DCHS2: variants seen among roughly 807,000 people sequenced by gnomAD.
The protein encoded by DCHS2 is protocadherin-23.
In DCHS2, 142 loss-of-function variants were observed where a neutral mutation model predicts 182.4. The observed-to-expected ratio is 0.78, with a 90% CI of 0.68 to 0.89. The LOEUF is 0.89. DCHS2 is among the 40% of genes least tolerant of loss of function. The pLI is 0.00. For missense variants in DCHS2, 4,319 were observed against 4,198.6 expected (o/e 1.03, Z -0.79); for synonymous variants, 1,740 against 1,663.3 (o/e 1.05, Z -1.12).
At chr4:154,264,970 G>A (rs549518750) in intron 14 of DCHS2, among the ~76,000 whole-genome samples, 1 of 152,282 alleles carries the variant, frequency 6.6e-6, no homozygotes, top group South Asian at 2.1e-4. Context: ...CAAATCTCTT[G>A]TATTACTCAG....
At chr4:154,464,758 C>T (rs995354698) in intron 1 of DCHS2, among the ~76,000 whole-genome samples, 11 of 152,082 alleles carry the variant, frequency 7.2e-5, no homozygotes, top group African/African-American at 2.2e-4. Context: ...TCTTGGTGCC[C>T]AGGCCACAGA....
chr4:154,381,848 G>A (rs1288038636), intron 1 of DCHS2, among the ~76,000 whole-genome samples: 1 of 152,082 alleles, frequency 6.6e-6, no homozygotes, highest in African/African-American at 2.4e-5. Context: ...TTGTTAAAAT[G>A]GCCAGACTGT....
At chr4:154,378,562 AAGGT>A (rs1317002970) in intron 1 of DCHS2, among the ~76,000 whole-genome samples, 62 of 151,452 alleles carry the variant, frequency 4.1e-4, no homozygotes, top group African/African-American at 1.5e-3. Context: ...GGAAGGAAGG[AAGGT>A]AGGAAGGATT....
At chr4:154,436,044 A>G (rs561960728) in intron 1 of DCHS2, among the ~76,000 whole-genome samples, 1 of 152,358 alleles carries the variant, frequency 6.6e-6, no homozygotes, top group Non-Finnish European at 1.5e-5. Flanking sequence ...TCCCCAAAGT[A>G]GAAACAATGC....
rs1731478760 is a variant in DCHS2, at chr4:154,236,100, G to A, written c.8552C>T (p.Thr2851Ile). The A allele has an allele frequency of 2.5e-6, 4 of 1,613,718 alleles. No individual in the cohort carries two copies. The highest frequency in any genetic ancestry group is 1.3e-5 in the African/African-American group (1 of 75,028). Residue 2851 changes from threonine (T) to isoleucine (I), a missense_variant, in exon 20 of 20, where the codon ACA becomes ATA. Thr to Ile is a moderately conservative substitution (Grantham distance 89). Coordinates refer to ENST00000357232, the MANE Select transcript of DCHS2 (RefSeq NM_001358235.2). ...DYENGNKYCL[T>I]VQAKDKGDAT... ...ATCACCTTTGTCTTTGGCTTGGACT[G>A]TGAGGCAGTATTTATTGCCATTTTC...
chr4:154,339,121 C>CCT (rs1728945879), intron 3 of DCHS2, among the ~76,000 whole-genome samples: 1 of 152,164 alleles, frequency 6.6e-6, no homozygotes, highest in Non-Finnish European at 1.5e-5. Flanking sequence ...AGTTTGAAAG[C>CCT]CTGAGAGCCA....
Position 154,489,510 on chromosome 4 carries a change from T to C in DCHS2, c.1846A>G (p.Ser616Gly), listed in dbSNP as rs1728712289. 6.4e-7 allele frequency: 1 copy of C among 1,551,696 alleles called. No individual in the cohort carries two copies. Among genetic ancestry groups the C allele is most frequent in the Non-Finnish European group, 8.7e-7 (1 of 1,146,980 alleles). ...TCTCGGTCTAGAGTCCGGATAGTGC[T>C]GATCGCACCGCTTTCGGAATCAATG... ...FAIDSESGAISTIRTLDREVQ... is the reference protein window; with the variant it reads ...FAIDSESGAIGTIRTLDREVQ... The change falls in exon 1 of 20, where the codon AGC (serine) becomes GGC (glycine). Residue 616 changes from serine (S) to glycine (G), a missense_variant. Coordinates refer to ENST00000357232, the MANE Select transcript of DCHS2 (RefSeq NM_001358235.2).
At chr4:154,374,886 C>T (rs1730815904) in intron 2 of DCHS2, among the ~76,000 whole-genome samples, 1 of 152,028 alleles carries the variant, frequency 6.6e-6, no homozygotes, top group Non-Finnish European at 1.5e-5. Context: ...AATCAAAGCG[C>T]AGAACGGTGT....
chr4:154,426,693 G>A (rs1733341226), intron 1 of DCHS2, among the ~76,000 whole-genome samples: 1 of 151,938 alleles, frequency 6.6e-6, no homozygotes, highest in Non-Finnish European at 1.5e-5. Context: ...CAACACCTTG[G>A]GAGGCTGAGG....
At position 154,334,926 on chromosome 4, in the gene DCHS2, A is replaced by AT; in HGVS notation, c.2654_2655insA (p.Tyr886LeufsTer2). ...GACTATCTTCAGGCACATCTTCATA[A>AT]ACTAAGAAAGTGTACTTAGGCCTTT... On this transcript the variant is annotated frameshift_variant, in exon 4 of 20. Coordinates refer to ENST00000357232, the MANE Select transcript of DCHS2 (RefSeq NM_001358235.2). LOFTEE classifies it high-confidence loss of function. The AT allele has an allele frequency of 6.2e-7, 1 of 1,614,192 alleles. No individual in the cohort carries two copies. The highest frequency in any genetic ancestry group is 8.5e-7 in the Non-Finnish European group (1 of 1,180,030).
chr4:154,340,703 C>T (rs1561054908), intron 3 of DCHS2, among the ~76,000 whole-genome samples: 1 of 152,076 alleles, frequency 6.6e-6, no homozygotes, highest in South Asian at 2.1e-4. Context: ...TTTTATTTGC[C>T]ATATTATGAG....
At chr4:154,376,513 A>G (rs1730905209) in intron 2 of DCHS2, among the ~76,000 whole-genome samples, 1 of 152,210 alleles carries the variant, frequency 6.6e-6, no homozygotes, top group Non-Finnish European at 1.5e-5. Flanking sequence ...TTCCTGTATG[A>G]ATTATACTTA....
At chr4:154,347,203 G>T (rs1486207914) in intron 3 of DCHS2, among the ~76,000 whole-genome samples, 2 of 149,892 alleles carry the variant, frequency 1.3e-5, no homozygotes, top group Admixed American at 1.3e-4. Context: ...AGGTTTATTT[G>T]GGAATGATTT....
intron 1 of DCHS2, among the ~76,000 whole-genome samples, chr4:154,484,264 T>C (rs1482591073): frequency 6.6e-6 from 1 of 152,206 alleles, no homozygotes; most frequent in Non-Finnish European, 1.5e-5. Flanking sequence ...TATGTGTTAT[T>C]ACAAGAGACT....
intron 1 of DCHS2, chr4:154,486,437 G>A (rs1315593839): frequency 1.5e-6 from 2 of 1,304,500 alleles, no homozygotes; most frequent in East Asian, 5.5e-5. Flanking sequence ...TTATCTTACA[G>A]GAAATCTAGG....
At chr4:154,321,751 G>T (rs1028812711) in intron 8 of DCHS2, among the ~76,000 whole-genome samples, 4 of 152,068 alleles carry the variant, frequency 2.6e-5, no homozygotes, top group East Asian at 1.9e-4. Flanking sequence ...CTTGGTTATT[G>T]TATATACCTG....
intron 3 of DCHS2, among the ~76,000 whole-genome samples, chr4:154,348,407 C>T (rs745795811): frequency 3.3e-5 from 5 of 151,810 alleles, no homozygotes; most frequent in African/African-American, 4.9e-5. Flanking sequence ...AGAAAAGAAT[C>T]GAGTATTATT....
At chr4:154,366,514 C>T in intron 2 of DCHS2, 73 bp from the exon 3 acceptor site, 1 of 988,314 alleles carries the variant, frequency 1.0e-6, no homozygotes. Context: ...TTGACAATGG[C>T]CCTACAATAG....
intron 19 of DCHS2, chr4:154,237,468 AT>A (rs768808881): frequency 1.4e-5 from 3 of 210,636 alleles, no homozygotes; most frequent in Non-Finnish European, 2.8e-5. Context: ...TTCTTAAAAA[AT>A]ATTTTTGTTT....
Sources: allele counts gnomAD v4.1 joint callset (sites outside exome capture counted in the v4.1 genomes callset), GRCh38; gene constraint gnomAD v4.1.1; transcripts MANE v1.5; gene names NCBI Gene and HGNC (gene_info 2026-07-23, HGNC 2026-07-21).